Variants in CAMSAP2 observed in about 807,000 individuals in gnomAD.
CAMSAP2 encodes calmodulin regulated spectrin associated protein family member 2.
A neutral mutation model predicts 146.1 loss-of-function variants in CAMSAP2; 26 were observed. That is an observed-to-expected ratio of 0.18 (90% CI 0.13 to 0.25). The LOEUF is 0.25. CAMSAP2 is among the 10% of genes least tolerant of loss of function. The pLI, the probability that CAMSAP2 is intolerant of heterozygous loss-of-function variation, is 1.00. For missense variants in CAMSAP2, 1,381 were observed against 1,759.3 expected, an observed-to-expected ratio of 0.78 and a Z score of 3.85; for synonymous variants, 499 against 596.6, an observed-to-expected ratio of 0.84 and a Z score of 2.38.
At chr1:200,788,796 C>G (rs1444669975) in intron 2 of CAMSAP2, among the ~76,000 whole-genome samples, 1 of 150,168 alleles carries the variant, frequency 6.7e-6, no homozygotes, top group African/African-American at 2.5e-5. Context: ...TGCCTGCCAC[C>G]ATGCCTGGCT....
intron 2 of CAMSAP2, among the ~76,000 whole-genome samples, chr1:200,780,482 C>G (rs2103021235): frequency 6.6e-6 from 1 of 152,280 alleles, no homozygotes; most frequent in African/African-American, 2.4e-5. Context: ...TTCATATATT[C>G]AAACTTATTT....
At chr1:200,806,783 A>G (rs1488611034) in intron 2 of CAMSAP2, among the ~76,000 whole-genome samples, 6 of 150,756 alleles carry the variant, frequency 4.0e-5, no homozygotes, top group South Asian at 2.1e-4. Context: ...CTATCTATCT[A>G]TCTATCTATC....
intron 4 of CAMSAP2, among the ~76,000 whole-genome samples, chr1:200,816,796 A>G (rs537995884): frequency 4.9e-5 from 5 of 101,972 alleles, no homozygotes; most frequent in Non-Finnish European, 8.0e-5. Flanking sequence ...GTGTGTACAC[A>G]CACACGCGTG....
At chr1:200,751,535 C>CAAAAAAA (rs35294926) in intron 1 of CAMSAP2, among the ~76,000 whole-genome samples, 18 of 41,586 alleles carry the variant, frequency 4.3e-4, no homozygotes, top group East Asian at 1.4e-3. Context: ...GACTCCATCT[C>CAAAAAAA]AAAAAAAAAA....
At chr1:200,826,517 A>G (rs1385712738) in intron 4 of CAMSAP2, among the ~76,000 whole-genome samples, 1 of 151,856 alleles carries the variant, frequency 6.6e-6, no homozygotes, top group African/African-American at 2.4e-5. Flanking sequence ...AAGGACCCCA[A>G]CTCTTTGAGG....
intron 1 of CAMSAP2, among the ~76,000 whole-genome samples, chr1:200,748,778 T>C (rs1231441010): frequency 6.6e-6 from 1 of 151,910 alleles, no homozygotes; most frequent in Admixed American, 6.6e-5. Context: ...TTTTTTGGTA[T>C]ACTTTATACG....
intron 2 of CAMSAP2, among the ~76,000 whole-genome samples, chr1:200,803,514 C>A (rs1340791803): frequency 1.3e-5 from 2 of 151,654 alleles, no homozygotes; most frequent in African/African-American, 4.8e-5. Context: ...TGATTTTAGC[C>A]TTGAGTTTAT....
intron 2 of CAMSAP2, among the ~76,000 whole-genome samples, chr1:200,769,138 C>G (rs1056252869): frequency 2.0e-5 from 3 of 152,120 alleles, no homozygotes; most frequent in African/African-American, 7.2e-5. Flanking sequence ...CACTCTGTTC[C>G]TTTGAGAGCC....
rs530523444 is a variant in CAMSAP2 at position 200,766,224 on chromosome 1, G to T, written c.399+5126G>T. Among the ~76,000 whole-genome samples the T allele has an allele frequency of 4.7e-5, 7 of 150,366 alleles. No homozygotes were observed. In the East Asian group the frequency reaches 1.4e-3, roughly 29 times the overall value. On this transcript the variant is annotated intron_variant, in intron 2 of 16. Transcript: ENST00000358823. ...AGTGGCGCAATCACAACTCACTGTA[G>T]CCTCGACCTGCAGGGCTCAGGTGAC... is the stretch of plus-strand genomic sequence containing the variant.
rs1666318874 is a variant in CAMSAP2 at position 200,811,115 on chromosome 1, TAA to T, written c.561+3580_561+3581del. Among the ~76,000 whole-genome samples, 5 of 152,216 alleles carry T rather than the reference TAA, an allele frequency of 3.3e-5. 1 individual carries two copies. In the South Asian group the frequency reaches 1.0e-3, roughly 31 times the overall value. On this transcript the variant is annotated intron_variant, in intron 3 of 16. Transcript: ENST00000358823. ...AATCAATATTTTTCTGTCCTTAATT[TAA>T]ACTCAATCTTTACTTCTAAAGCATG...
At chr1:200,788,643 C>CT (rs71564133) in intron 2 of CAMSAP2, among the ~76,000 whole-genome samples, 195 of 122,416 alleles carry the variant, frequency 1.6e-3, no homozygotes, top group African/African-American at 4.7e-3. Flanking sequence ...TTCTTTTTTT[C>CT]TTTTTTTTTT....
intron 2 of CAMSAP2, among the ~76,000 whole-genome samples, chr1:200,776,160 ATGT>A (rs1430620415): frequency 6.6e-6 from 1 of 152,156 alleles, no homozygotes; most frequent in African/African-American, 2.4e-5. Flanking sequence ...ATAGCTTTAG[ATGT>A]TGTAATCATA....
At chr1:200,821,326 G>A (rs1666757681) in intron 4 of CAMSAP2, among the ~76,000 whole-genome samples, 2 of 151,948 alleles carry the variant, frequency 1.3e-5, no homozygotes, top group African/African-American at 2.4e-5. Context: ...GGGACTACAG[G>A]CATGTGCCAC....
chr1:200,847,543 G>A, intron 9 of CAMSAP2, 97 bp from the exon 10 acceptor site: 3 of 945,178 alleles, frequency 3.2e-6, no homozygotes, highest in East Asian at 2.4e-5. Flanking sequence ...AATTTGTATT[G>A]CTATTAATGA....
At chr1:200,766,885 T>G (rs1043197153) in intron 2 of CAMSAP2, among the ~76,000 whole-genome samples, 7 of 152,184 alleles carry the variant, frequency 4.6e-5, no homozygotes, top group Non-Finnish European at 1.0e-4. Flanking sequence ...CCCTCTCTGT[T>G]CCATTTACCC....
intron 1 of CAMSAP2, among the ~76,000 whole-genome samples, chr1:200,742,326 G>C (rs1664204814): frequency 6.6e-6 from 1 of 152,070 alleles, no homozygotes; most frequent in African/African-American, 2.4e-5. Flanking sequence ...GATATTGTTG[G>C]CTATTACATT....
At chr1:200,766,640 A>G (rs1046812227) in intron 2 of CAMSAP2, among the ~76,000 whole-genome samples, 2 of 151,944 alleles carry the variant, frequency 1.3e-5, no homozygotes, top group African/African-American at 4.8e-5. Flanking sequence ...TGCTTTAACT[A>G]TAAATCCTAT....
intron 4 of CAMSAP2, among the ~76,000 whole-genome samples, chr1:200,828,105 A>G (rs1444353125): frequency 6.6e-6 from 1 of 151,980 alleles, no homozygotes; most frequent in African/African-American, 2.4e-5. Context: ...CTATATTATT[A>G]TTTGCTTTAT....
rs1553288838 is a variant in CAMSAP2 at position 200,817,220 on chromosome 1, A to AAG, written c.645+1576_645+1577insAG. ...TGTGTGTATACACACATACACACAT[A>AAG]TGTGTGTGTATATACACACATACAC... is the stretch of plus-strand genomic sequence containing the variant. On this transcript the variant is annotated intron_variant, in intron 4 of 16. Transcript: ENST00000358823. Among the ~76,000 whole-genome samples the AAG allele has an allele frequency of 7.4e-5, 8 of 108,462 alleles. No homozygotes were observed. In the South Asian group the frequency reaches 8.8e-4, roughly 12 times the overall value. The allele number at this position is 108,462 out of a possible 152,430, so 71.2% of individuals were successfully genotyped here. A position where few individuals can be genotyped will look rare whatever the true frequency, so the allele number is the denominator to read the frequency against.
Sources: allele counts gnomAD v4.1 joint callset (sites outside exome capture counted in the v4.1 genomes callset), GRCh38; gene constraint gnomAD v4.1.1; transcripts MANE v1.5; gene names NCBI Gene and HGNC (gene_info 2026-07-23, HGNC 2026-07-21).